PMS2: variants seen among roughly 807,000 people sequenced by gnomAD.
The protein encoded by PMS2 is mismatch repair endonuclease PMS2.
In PMS2, 69 loss-of-function variants were observed where a neutral mutation model predicts 90.0. The observed-to-expected ratio is 0.77, with a 90% CI of 0.63 to 0.94. The LOEUF is 0.94. PMS2 is among the 40% of genes least tolerant of loss of function. The pLI, the probability that PMS2 is intolerant of heterozygous loss-of-function variation, is 0.00. For synonymous variants in PMS2, 332 were observed against 375.1 expected (o/e 0.89, Z 1.33); for missense variants, 966 against 1,040.2 (o/e 0.93, Z 0.98).
intron 10 of PMS2, among the ~76,000 whole-genome samples, chr7:5,988,959 C>G (rs1232789919): frequency 6.6e-6 from 1 of 152,062 alleles, no homozygotes; most frequent in Non-Finnish European, 1.5e-5. Context: ...GGGTTCACGC[C>G]ATTCTCCTGA....
intron 10 of PMS2, among the ~76,000 whole-genome samples, chr7:5,987,870 C>T (rs564514554): frequency 1.6e-4 from 25 of 152,048 alleles, no homozygotes; most frequent in African/African-American, 5.5e-4. Context: ...GTCTGGACAA[C>T]ATGGTAAAAC....
intron 8 of PMS2, among the ~76,000 whole-genome samples, chr7:5,994,920 G>A (rs1162908878): frequency 6.6e-6 from 1 of 152,056 alleles, no homozygotes; most frequent in Non-Finnish European, 1.5e-5. Context: ...ATAAAATGTT[G>A]AATATCTTCT....
rs2128732293 is a variant in PMS2, at chr7:5,987,398, G to C, written c.1367C>G (p.Ser456Cys). 1 of 1,614,178 alleles carries C rather than the reference G, an allele frequency of 6.2e-7. No individual in the cohort carries two copies. Among genetic ancestry groups the C allele is most frequent in the Non-Finnish European group, 8.5e-7 (1 of 1,180,030 alleles). ...PLGQKRGMLS[S>C]STSGAISDKG... ...GTCAGAGATGGCACCTGAAGTGCTA[G>C]AAGACAGCATACCCCTTTTCTGTCC... The change falls in exon 11 of 15, where the codon TCT (serine) becomes TGT (cysteine). Residue 456 changes from serine (S) to cysteine (C), a missense_variant. Physicochemically the swap from Ser to Cys is moderately radical, Grantham distance 112. Around this residue, in one of 2 missense-constraint regions of PMS2, gnomAD observed 871 missense variants for 802.4 expected, o/e 1.09. Transcript: ENST00000265849.
At chr7:5,995,037 A>T (rs1003707066) in intron 8 of PMS2, among the ~76,000 whole-genome samples, 5 of 151,868 alleles carry the variant, frequency 3.3e-5, no homozygotes, top group Admixed American at 6.6e-5. Flanking sequence ...AGTAGAAAAA[A>T]ATATATATAT....
chr7:5,989,703 CTT>C (rs895462938), intron 10 of PMS2, 95 bp downstream of exon 10: 38 of 895,590 alleles, frequency 4.2e-5, no homozygotes, highest in Admixed American at 2.5e-4. Context: ...ATATAAGAGA[CTT>C]TGTTTTCATG....
At chr7:5,984,458 T>A (rs1442891500) in intron 11 of PMS2, among the ~76,000 whole-genome samples, 3 of 151,772 alleles carry the variant, frequency 2.0e-5, no homozygotes, top group Admixed American at 6.6e-5. Context: ...AATGGCTCTG[T>A]TAAAGCAGCC....
At position 5,986,949 on chromosome 7, in the gene PMS2, C is replaced by T. The variant is rs1782970746; in HGVS notation, c.1816G>A (p.Asp606Asn). ...NTQDMSASQV[D>N]VAVKINKKVV... ...TTCTTATTAATTTTCACAGCTACAT[C>T]AACCTGAGAGGCTGACATGTCCTGA... Residue 606 changes from aspartate to asparagine, a missense_variant, in exon 11 of 15, where the codon GAT becomes AAT. Physicochemically the swap from Asp to Asn is conservative, Grantham distance 23. Coordinates refer to ENST00000265849, the MANE Select transcript of PMS2 (RefSeq NM_000535.7). 3.1e-6 allele frequency: 5 copies of T among 1,614,078 alleles called. No homozygotes were observed. The highest frequency in any genetic ancestry group is 4.2e-6 in the Non-Finnish European group (5 of 1,179,958).
At chr7:5,994,709 G>A (rs1377892981) in intron 8 of PMS2, among the ~76,000 whole-genome samples, 4 of 151,798 alleles carry the variant, frequency 2.6e-5, no homozygotes, top group African/African-American at 7.3e-5. Flanking sequence ...CTGGGAGGCG[G>A]AGCTTGCAGT....
Position 5,997,359 on chromosome 7 carries a change from A to G in PMS2, c.770T>C (p.Leu257Ser), listed in dbSNP as rs1554301463. The change falls in exon 7 of 15, where the codon TTG becomes TCG. Residue 257 changes from leucine (L) to serine (S), a missense_variant. Leu to Ser is a moderately radical substitution (Grantham distance 145). Around this residue, in one of 2 missense-constraint regions of PMS2, gnomAD observed 871 missense variants for 802.4 expected, o/e 1.09. Transcript: ENST00000265849. The part of the protein sequence containing the change: ...PSDSVCEEYG[L>S]SCSDALHNLF... ...ATTATGCAGAGCATCGGAACAGCTC[A>G]AACCGTACTCTTCACACACGGAGTC... The G allele has an allele frequency of 6.2e-7, 1 of 1,604,624 alleles. No homozygotes were observed. Among genetic ancestry groups the G allele is most frequent in the Admixed American group, 1.7e-5 (1 of 59,904 alleles).
intron 11 of PMS2, among the ~76,000 whole-genome samples, chr7:5,985,264 ATTTTTTT>A (rs142453627): frequency 2.6e-5 from 3 of 116,788 alleles, no homozygotes; most frequent in South Asian, 2.9e-4. Flanking sequence ...TACTTAGCTA[ATTTTTTT>A]TTTTTTTTTT....
At chr7:5,994,235 G>T (rs1266252969) in intron 8 of PMS2, among the ~76,000 whole-genome samples, 1 of 151,758 alleles carries the variant, frequency 6.6e-6, no homozygotes, top group Non-Finnish European at 1.5e-5. Context: ...CAAAAACTTA[G>T]CCGGGCGTGG....
rs1247123732 is a variant in PMS2, at chr7:6,003,927, T to A, written c.250+45A>T. The A allele has an allele frequency of 2.2e-6, 3 of 1,373,960 alleles. No individual in the cohort carries two copies. In the African/African-American group the frequency reaches 4.3e-5, roughly 20 times the overall value. 85.1% of individuals were successfully genotyped at this position (1,373,960 alleles called of 1,614,324 possible). ...CAGTGTTACTCAAAATTCTGAGACA[T>A]GTGACCCAATTATTTTATAATAGGA... is the stretch of plus-strand genomic sequence containing the variant. On this transcript the variant is annotated intron_variant, in intron 3 of 14. Transcript: ENST00000265849.
In PMS2 at chr7:5,995,385, G is replaced by A. The variant is rs200120555; in HGVS notation, c.903+149C>T. 246 of 674,106 alleles carry A rather than the reference G, an allele frequency of 3.6e-4. 1 individual carries two copies. The East Asian group carries it at 5.9e-3, about 16-fold the overall frequency. The allele number at this position is 674,106 out of a possible 1,614,324, so 41.8% of individuals were successfully genotyped here. The stretch of plus-strand genomic sequence containing the variant: ...CTGAAGCTGGGGGCCATCTGCGGTA[G>A]ACTTCTGTAAATGCACAAAATAAGA... On this transcript the variant is annotated intron_variant, in intron 8 of 14. Coordinates refer to ENST00000265849, the MANE Select transcript of PMS2 (RefSeq NM_000535.7).
At chr7:5,998,765 G>A (rs1784732015) in intron 6 of PMS2, among the ~76,000 whole-genome samples, 1 of 151,740 alleles carries the variant, frequency 6.6e-6, no homozygotes, top group African/African-American at 2.4e-5. Context: ...GCCGAGGCTG[G>A]TGGATCACGA....
chr7:6,006,226 A>G (rs958388922), intron 1 of PMS2, among the ~76,000 whole-genome samples, 195 bp from the exon 2 acceptor site: 2 of 152,218 alleles, frequency 1.3e-5, no homozygotes, highest in African/African-American at 4.8e-5. Flanking sequence ...TACCCAAAAT[A>G]CTTCTGGATA....
Position 5,973,322 on chromosome 7 carries a change from A to T in PMS2, c.*77T>A. 1 of 1,364,910 alleles carries T rather than the reference A, an allele frequency of 7.3e-7. No homozygotes were observed. Among genetic ancestry groups the T allele is most frequent in the East Asian group, 2.5e-5 (1 of 39,242 alleles). The allele number at this position is 1,364,910 out of a possible 1,614,324, so 84.5% of individuals were successfully genotyped here. A position where few individuals can be genotyped will look rare whatever the true frequency, so the allele number is the denominator to read the frequency against. On this transcript the variant is annotated 3_prime_UTR_variant, in exon 15 of 15. Transcript: ENST00000265849. ...AAGTAGCAGGTTCATTTTAAAACAA[A>T]AAAGGTTAGTGAAGACTCTGTCTTT...
intron 11 of PMS2, 27 bp downstream of exon 11, chr7:5,986,732 A>G (rs1348842546): frequency 5.3e-6 from 8 of 1,511,892 alleles, no homozygotes; most frequent in Non-Finnish European, 7.1e-6. Context: ...AGATAAAAAG[A>G]GAAAAAGTAA....
chr7:5,998,177 G>A (rs1032308424), intron 6 of PMS2, among the ~76,000 whole-genome samples: 1 of 150,730 alleles, frequency 6.6e-6, no homozygotes, highest in Admixed American at 6.6e-5. Flanking sequence ...CATCTCCCGG[G>A]TTCCAGCGAC....
chr7:5,998,414 T>C (rs73331331), intron 6 of PMS2, among the ~76,000 whole-genome samples: 50,255 of 145,042 alleles, frequency 0.35, 9,260 homozygotes, highest in Non-Finnish European at 0.42. Context: ...ATTCTTAATC[T>C]GGGCGCAGTG....
Sources: allele counts gnomAD v4.1 joint callset (sites outside exome capture counted in the v4.1 genomes callset), GRCh38; gene constraint gnomAD v4.1.1; regional missense constraint gnomAD v4.1.1; transcripts MANE v1.5; gene names NCBI Gene and HGNC (gene_info 2026-07-23, HGNC 2026-07-21).